Variants in RPA1 observed in about 807,000 individuals in gnomAD.
The protein encoded by RPA1 is replication protein A1.
RPA1 carries 49 observed loss-of-function variants against 83.0 expected under a neutral mutation model. That is an observed-to-expected ratio of 0.59 (90% CI 0.47 to 0.75). RPA1 has a LOEUF of 0.75. RPA1 is among the 30% of genes least tolerant of loss of function. The pLI, the probability that RPA1 is intolerant of heterozygous loss-of-function variation, is 0.00. For synonymous variants in RPA1, 279 were observed against 281.8 expected, an observed-to-expected ratio of 0.99 and a Z score of 0.10; for missense variants, 693 against 776.1, an observed-to-expected ratio of 0.89 and a Z score of 1.27.
intron 1 of RPA1, among the ~76,000 whole-genome samples, chr17:1,830,375 C>T (rs1567795343): frequency 6.6e-6 from 1 of 152,210 alleles, no homozygotes; most frequent in South Asian, 2.1e-4. Flanking sequence ...AAACGCTTGC[C>T]TTTCTCTGCA....
At position 1,879,020 on chromosome 17, in the gene RPA1, G is replaced by T. The variant is rs916648829; in HGVS notation, c.718G>T (p.Glu240Ter). ...TGAAATCCGAGCTACAGCTTTCAAT[G>T]AGCAAGTGGACAAGTTCTTTCCTCT... ...SGEIRATAFN[E>*]QVDKFFPLIE... The change falls in exon 9 of 17, where the codon GAG (glutamate) becomes TAG (stop). Residue 240 changes from glutamate (E) to a stop codon, truncating the protein, a stop_gained. Coordinates refer to ENST00000254719, the MANE Select transcript of RPA1 (RefSeq NM_002945.5). LOFTEE classifies it high-confidence loss of function. 1.9e-6 allele frequency: 3 copies of T among 1,614,218 alleles called. No individual in the cohort carries two copies. The highest frequency in any genetic ancestry group is 2.5e-6 in the Non-Finnish European group (3 of 1,180,048).
At chr17:1,871,688 G>A (rs1258491013) in intron 5 of RPA1, among the ~76,000 whole-genome samples, 2 of 152,158 alleles carry the variant, frequency 1.3e-5, no homozygotes, top group African/African-American at 4.8e-5. Context: ...ATCAACATTT[G>A]TGTAAAGAGT....
At chr17:1,855,361 G>GTT (rs1912653315) in intron 5 of RPA1, among the ~76,000 whole-genome samples, 2 of 53,322 alleles carry the variant, frequency 3.8e-5, no homozygotes, top group African/African-American at 1.3e-4. Flanking sequence ...GTGTGTGTGT[G>GTT]TGTGTTTAGT....
At chr17:1,870,407 A>G (rs1913334044) in intron 5 of RPA1, among the ~76,000 whole-genome samples, 2 of 152,254 alleles carry the variant, frequency 1.3e-5, no homozygotes, top group Non-Finnish European at 2.9e-5. Flanking sequence ...AATGTGAAAA[A>G]AATGTGGATC....
intron 13 of RPA1, among the ~76,000 whole-genome samples, chr17:1,887,403 A>G (rs1237844572): frequency 6.6e-6 from 1 of 151,952 alleles, no homozygotes; most frequent in Non-Finnish European, 1.5e-5. Flanking sequence ...TACTAAAAAT[A>G]CAAAAATTAG....
intron 4 of RPA1, among the ~76,000 whole-genome samples, chr17:1,846,869 CTCT>C (rs893049611): frequency 1.3e-5 from 2 of 152,084 alleles, no homozygotes; most frequent in African/African-American, 4.8e-5. Context: ...TTAGTTTTCT[CTCT>C]TCTACTCCTC....
chr17:1,895,715 C>T (rs545389868), intron 16 of RPA1, among the ~76,000 whole-genome samples: 1 of 121,624 alleles, frequency 8.2e-6, no homozygotes, highest in African/African-American at 2.7e-5. Flanking sequence ...GAGACAGAGT[C>T]TCTGTCACCC....
intron 5 of RPA1, among the ~76,000 whole-genome samples, chr17:1,860,357 C>T (rs1228935038): frequency 2.0e-5 from 3 of 152,100 alleles, no homozygotes; most frequent in African/African-American, 7.2e-5. Flanking sequence ...CACTTTGTTG[C>T]CCAGGCTGGT....
At chr17:1,881,824 AAGGATTAGAGATGTTTAGATC>A (rs1279194414) in intron 12 of RPA1, among the ~76,000 whole-genome samples, 3 of 152,194 alleles carry the variant, frequency 2.0e-5, no homozygotes, top group African/African-American at 7.2e-5. Context: ...ATACCTGGAC[AAGGATTAGAGATGTTTAGATC>A]TTGGCTATAA....
intron 6 of RPA1, among the ~76,000 whole-genome samples, chr17:1,873,196 C>T (rs73284339): frequency 0.06 from 9,129 of 152,170 alleles, 845 homozygotes; most frequent in African/African-American, 0.2. Context: ...TTTTGGGCCT[C>T]GTGGGTGTTT....
At chr17:1,848,252 A>G (rs1436369310) in intron 4 of RPA1, among the ~76,000 whole-genome samples, 2 of 152,156 alleles carry the variant, frequency 1.3e-5, no homozygotes, top group East Asian at 1.9e-4. Flanking sequence ...CTCAATAAAC[A>G]TGTTATTTAA....
At chr17:1,875,604 A>G (rs953715149) in intron 6 of RPA1, 57 bp from the exon 7 acceptor site, 10 of 1,548,738 alleles carry the variant, frequency 6.5e-6, no homozygotes, top group African/African-American at 4.2e-5. Context: ...AAAGCTTACT[A>G]TAAAAAAGCT....
At chr17:1,849,177 G>A (rs1912377344) in intron 4 of RPA1, among the ~76,000 whole-genome samples, 1 of 151,756 alleles carries the variant, frequency 6.6e-6, no homozygotes, top group African/African-American at 2.4e-5. Context: ...GTTCTTGCCA[G>A]TACTTCAAAT....
At chr17:1,840,433 C>G (rs757216778) in intron 1 of RPA1, among the ~76,000 whole-genome samples, 5 of 152,130 alleles carry the variant, frequency 3.3e-5, no homozygotes, top group Admixed American at 6.6e-5. Flanking sequence ...ACTACAGGCA[C>G]GTCCCACCAC....
chr17:1,866,794 C>T (rs1913193439), intron 5 of RPA1, among the ~76,000 whole-genome samples: 1 of 152,218 alleles, frequency 6.6e-6, no homozygotes, highest in African/African-American at 2.4e-5. Flanking sequence ...ATTATTCATG[C>T]TGCTTCTGTC....
At chr17:1,878,121 C>G (rs1025978930) in intron 8 of RPA1, among the ~76,000 whole-genome samples, 2 of 152,126 alleles carry the variant, frequency 1.3e-5, no homozygotes, top group African/African-American at 2.4e-5. Flanking sequence ...GTCCCAGCTA[C>G]TTGGGAGGCT....
Position 1,884,830 on chromosome 17 carries a change from C to G in RPA1, c.1374+886C>G, listed in dbSNP as rs1253104951. ...GTTCGACTGAGCAACATGGAAGACC[C>G]CTTCTCTTGAAACAAAAACTTTATT... On this transcript the variant is annotated intron_variant, in intron 13 of 16. Coordinates refer to ENST00000254719, the MANE Select transcript of RPA1 (RefSeq NM_002945.5). The surrounding 1 kb of genome is among the most constrained non-coding windows in gnomAD (Gnocchi z 4.1). 6.6e-6 allele frequency among the ~76,000 whole-genome samples: 1 copy of G among 152,188 alleles called. No homozygotes were observed. The highest frequency in any genetic ancestry group is 2.4e-5 in the African/African-American group (1 of 41,438).
At chr17:1,858,194 C>T in intron 5 of RPA1, 2 of 1,613,984 alleles carry the variant, frequency 1.2e-6, no homozygotes, top group Non-Finnish European at 1.7e-6. Flanking sequence ...AAGACGAGTG[C>T]AAACTTAGCT....
chr17:1,837,249 A>G (rs1911862278), intron 1 of RPA1, among the ~76,000 whole-genome samples: 1 of 152,178 alleles, frequency 6.6e-6, no homozygotes, highest in Non-Finnish European at 1.5e-5. Flanking sequence ...GGTTACAGGC[A>G]CAAGCCACCA....
Sources: allele counts gnomAD v4.1 joint callset (sites outside exome capture counted in the v4.1 genomes callset), GRCh38; gene constraint gnomAD v4.1.1; non-coding constraint Gnocchi (gnomAD v3.1); transcripts MANE v1.5; gene names NCBI Gene and HGNC (gene_info 2026-07-23, HGNC 2026-07-21).